SHANK2: variants seen among roughly 807,000 people sequenced by gnomAD.
SHANK2 encodes the protein SH3 and multiple ankyrin repeat domains protein 2.
SHANK2 carries 43 observed loss-of-function variants against 133.7 expected under a neutral mutation model. The ratio of observed to expected loss-of-function variants is 0.32; its 90% CI spans 0.25 to 0.41. The LOEUF (loss-of-function observed/expected upper bound fraction) is 0.41. Among genes scored for constraint, SHANK2 ranks in the 10% least tolerant of loss-of-function variants. SHANK2 has a pLI of 1.00. For missense variants in SHANK2, 1,994 were observed against 2,235.8 expected, an observed-to-expected ratio of 0.89 and a Z score of 2.18; for synonymous variants, 1,017 against 952.8, an observed-to-expected ratio of 1.07 and a Z score of -1.24.
chr11:70,817,491 G>A (rs782430747), intron 12 of SHANK2, among the ~76,000 whole-genome samples: 1 of 152,188 alleles, frequency 6.6e-6, no homozygotes, highest in African/African-American at 2.4e-5. Flanking sequence ...ACAGTTAGGG[G>A]GACTGGCTGT....
At chr11:71,143,405 C>T (rs1590953521) in intron 3 of SHANK2, among the ~76,000 whole-genome samples, 2 of 152,264 alleles carry the variant, frequency 1.3e-5, no homozygotes, top group South Asian at 2.1e-4. Context: ...CCATGCTTTT[C>T]GCACAAAACA....
chr11:70,798,374 C>T, intron 14 of SHANK2, 69 bp downstream of exon 14: 2 of 709,324 alleles, frequency 2.8e-6, no homozygotes, highest in Non-Finnish European at 5.2e-6. Flanking sequence ...TTGCCACGGA[C>T]AACACCGACC....
intron 17 of SHANK2, among the ~76,000 whole-genome samples, chr11:70,658,282 G>GACACAC (rs138823201): frequency 1.8e-5 from 2 of 111,616 alleles, no homozygotes; most frequent in South Asian, 3.0e-4. Context: ...CACACACACA[G>GACACAC]ACACACACAC....
At chr11:70,865,588 G>T (rs567773326) in intron 11 of SHANK2, among the ~76,000 whole-genome samples, 2 of 152,258 alleles carry the variant, frequency 1.3e-5, no homozygotes, top group East Asian at 1.9e-4. Context: ...CTCAGGGTGG[G>T]GTGGGGTGGC....
rs1354992381 is a variant in SHANK2 at position 70,500,656 on chromosome 11, G to T, written c.2288-66C>A. 20 of 1,567,750 alleles carry T rather than the reference G, an allele frequency of 1.3e-5. No homozygotes were observed. Among genetic ancestry groups the T allele is most frequent in the Non-Finnish European group, 1.7e-5 (20 of 1,156,326 alleles). ...CAGCGCCCGCCCGCAGCCTACACTC[G>T]GGCCTTGTCAGCTCAGGGCGCCTCA... On this transcript the variant is annotated intron_variant, in intron 20 of 25. Coordinates refer to ENST00000601538, the MANE Select transcript of SHANK2 (RefSeq NM_012309.5). The surrounding 1 kb of genome is among the most constrained non-coding windows in gnomAD (Gnocchi z 4.5).
At chr11:71,087,455 A>G (rs1396996862) in intron 8 of SHANK2, among the ~76,000 whole-genome samples, 2 of 152,182 alleles carry the variant, frequency 1.3e-5, no homozygotes, top group Non-Finnish European at 2.9e-5. Context: ...GAACTACTCC[A>G]CGTTTAAGGA....
In SHANK2 at chr11:70,809,118, A is replaced by G. The variant is rs944077104; in HGVS notation, c.1494-1947T>C. Among the ~76,000 whole-genome samples, 39 of 152,212 alleles carry G rather than the reference A, an allele frequency of 2.6e-4. 1 individual carries two copies. Among genetic ancestry groups the G allele is most frequent in the African/African-American group, 9.4e-4 (39 of 41,462 alleles). ...GACGGGCGTCCTTAGAAACAAACGC[A>G]TCTACACGGAGGAAGTTGGCCAGAA... On this transcript the variant is annotated intron_variant, in intron 12 of 25. Coordinates refer to ENST00000601538, the MANE Select transcript of SHANK2 (RefSeq NM_012309.5).
At chr11:70,509,939 G>A (rs2059181058) in intron 17 of SHANK2, among the ~76,000 whole-genome samples, 1 of 152,206 alleles carries the variant, frequency 6.6e-6, no homozygotes, top group South Asian at 2.1e-4. Context: ...ATTCTGTCGC[G>A]GCAGCCCAAA....
rs564268283 is a variant in SHANK2, at chr11:70,821,626, T to G, written c.1175-944A>C. Among the ~76,000 whole-genome samples, 3 of 152,272 alleles carry G rather than the reference T, an allele frequency of 2.0e-5. No homozygotes were observed. In the East Asian group the frequency reaches 5.8e-4, roughly 29 times the overall value. Reference sequence around the variant, plus strand: ...TTTTAGTAGAGATGAGGTTTCACCATGTTGGCCAGGCTGGTCTCGAACTCC... The same window carrying G: ...TTTTAGTAGAGATGAGGTTTCACCAGGTTGGCCAGGCTGGTCTCGAACTCC... On this transcript the variant is annotated intron_variant, in intron 11 of 25. Coordinates refer to ENST00000601538, the MANE Select transcript of SHANK2 (RefSeq NM_012309.5).
At chr11:71,206,067 C>T (rs1380631715) in intron 2 of SHANK2, among the ~76,000 whole-genome samples, 1 of 152,184 alleles carries the variant, frequency 6.6e-6, no homozygotes, top group Non-Finnish European at 1.5e-5. Context: ...GAACCCTCCA[C>T]GTTTCCTAAA....
intron 2 of SHANK2, among the ~76,000 whole-genome samples, chr11:71,170,008 C>T (rs1430314071): frequency 7.0e-6 from 1 of 143,512 alleles, no homozygotes; most frequent in African/African-American, 2.7e-5. Flanking sequence ...ATAGCAAGAC[C>T]TCATCTTTTT....
intron 10 of SHANK2, among the ~76,000 whole-genome samples, chr11:70,908,683 G>A (rs1950146007): frequency 2.0e-5 from 3 of 152,182 alleles, no homozygotes; most frequent in Non-Finnish European, 4.4e-5. Flanking sequence ...TACCTCCCAG[G>A]GATGCTGGGG....
At position 70,847,137 on chromosome 11, in the gene SHANK2, T is replaced by C. The variant is rs61274828; in HGVS notation, c.1175-26455A>G. On this transcript the variant is annotated intron_variant, in intron 11 of 25. Transcript: ENST00000601538. ...CATCAATCTTGCGAGGGTCCTTGAC[T>C]GTGCTGCGACCCACACCCCAGTACA... 5.0e-3 allele frequency among the ~76,000 whole-genome samples: 759 copies of C among 152,216 alleles called. 6 individuals are homozygous for C. The highest frequency in any genetic ancestry group is 0.017 in the African/African-American group (689 of 41,540).
chr11:70,708,909 G>T lies in SHANK2; in HGVS notation c.1778-10146C>A, dbSNP rs1200045155. Among the ~76,000 whole-genome samples, 4 of 152,286 alleles carry T rather than the reference G, an allele frequency of 2.6e-5. No individual in the cohort carries two copies. In the East Asian group the frequency reaches 5.8e-4, roughly 22 times the overall value. Reference sequence around the variant, plus strand: ...CCCCCCCTGCTGACCTCCAGGGCAGGTTTTAAAATACACAAGAAGGGCAGG... The same window carrying T: ...CCCCCCCTGCTGACCTCCAGGGCAGTTTTTAAAATACACAAGAAGGGCAGG... On this transcript the variant is annotated intron_variant, in intron 14 of 25. Transcript: ENST00000601538.
intron 17 of SHANK2, among the ~76,000 whole-genome samples, chr11:70,618,049 G>A (rs2060777165): frequency 6.6e-6 from 1 of 152,146 alleles, no homozygotes; most frequent in African/African-American, 2.4e-5. Context: ...TGGAATCTCA[G>A]CACTTTGGGG....
intron 15 of SHANK2, among the ~76,000 whole-genome samples, chr11:70,671,183 G>A (rs76950179): frequency 0.025 from 3,859 of 152,278 alleles, 181 homozygotes; most frequent in African/African-American, 0.087. Flanking sequence ...TGCCAGGAAC[G>A]GCTGGCGGAG....
chr11:70,779,238 T>G (rs1555044601), intron 14 of SHANK2, among the ~76,000 whole-genome samples: 2 of 150,774 alleles, frequency 1.3e-5, no homozygotes. Context: ...AGGCTCTGAG[T>G]GTGTTTTAAT....
chr11:70,540,433 G>A (rs10899149), intron 17 of SHANK2, among the ~76,000 whole-genome samples: 1 of 151,480 alleles, frequency 6.6e-6, no homozygotes, highest in Non-Finnish European at 1.5e-5. Flanking sequence ...CTCTCCTGCG[G>A]AGTCGGAGTG....
chr11:70,865,619 G>C lies in SHANK2; in HGVS notation c.1174+30882C>G, dbSNP rs546631343. Among the ~76,000 whole-genome samples, 6 of 152,274 alleles carry C rather than the reference G, an allele frequency of 3.9e-5. No individual in the cohort carries two copies. In the East Asian group the frequency reaches 7.7e-4, roughly 20 times the overall value. On this transcript the variant is annotated intron_variant, in intron 11 of 25. Transcript: ENST00000601538. Reference sequence around the variant, plus strand: ...GTGGCCGGGCAGGCTCAGCAGCAGAGGGTGGGGCCACAAGCATCCATCTCC... The same window carrying C: ...GTGGCCGGGCAGGCTCAGCAGCAGACGGTGGGGCCACAAGCATCCATCTCC...
Sources: gnomAD v4.1 joint callset for allele counts (sites outside exome capture counted in the v4.1 genomes callset) on GRCh38, gnomAD v4.1.1 for gene constraint, Gnocchi (gnomAD v3.1) non-coding constraint, MANE v1.5 for transcripts, NCBI Gene and HGNC (gene_info 2026-07-23, HGNC 2026-07-21) for gene names.